GRIK1: variants seen among roughly 807,000 people sequenced by gnomAD.
GRIK1 encodes the protein glutamate receptor ionotropic, kainate 1.
In GRIK1, 69 loss-of-function variants were observed where a neutral mutation model predicts 105.7. The observed-to-expected ratio is 0.65, with a 90% CI of 0.54 to 0.80. The LOEUF (loss-of-function observed/expected upper bound fraction) is 0.80, where lower values mean the gene tolerates loss of function less well. GRIK1 is among the 30% of genes least tolerant of loss of function. GRIK1 has a pLI of 0.00. For synonymous variants in GRIK1, 438 were observed against 431.3 expected, an observed-to-expected ratio of 1.02 and a Z score of -0.19; for missense variants, 1,109 against 1,167.3, an observed-to-expected ratio of 0.95 and a Z score of 0.73.
intron 1 of GRIK1, among the ~76,000 whole-genome samples, chr21:29,804,456 A>G (rs551599446): frequency 1.1e-4 from 17 of 152,294 alleles, no homozygotes; most frequent in African/African-American, 4.1e-4. Context: ...TTAAAAAAAA[A>G]AATGAAGACA....
chr21:29,582,224 T>C, intron 12 of GRIK1: 1 of 411,942 alleles, frequency 2.4e-6, no homozygotes, highest in Non-Finnish European at 4.9e-6. Flanking sequence ...GGCCTAGTGG[T>C]ACACATTAGT....
intron 1 of GRIK1, among the ~76,000 whole-genome samples, chr21:29,894,904 T>A (rs1030746561): frequency 6.6e-6 from 1 of 152,182 alleles, no homozygotes; most frequent in Non-Finnish European, 1.5e-5. Context: ...TTGAAGGCAG[T>A]CATCTGGCTT....
chr21:29,864,879 G>C (rs1018657368), intron 1 of GRIK1, among the ~76,000 whole-genome samples: 1 of 152,188 alleles, frequency 6.6e-6, no homozygotes, highest in Non-Finnish European at 1.5e-5. Context: ...AAATCTGGTA[G>C]TGTCTAAAGC....
At chr21:29,771,242 T>C (rs1464030272) in intron 1 of GRIK1, among the ~76,000 whole-genome samples, 4 of 152,212 alleles carry the variant, frequency 2.6e-5, no homozygotes, top group Admixed American at 2.0e-4. Flanking sequence ...ACTCATACTA[T>C]GGCTGCCCTA....
intron 1 of GRIK1, among the ~76,000 whole-genome samples, chr21:29,705,776 G>A (rs564623543): frequency 1.3e-5 from 2 of 151,822 alleles, no homozygotes; most frequent in African/African-American, 2.4e-5. Context: ...TTAATCAATC[G>A]TATCTCACAG....
intron 7 of GRIK1, among the ~76,000 whole-genome samples, chr21:29,619,446 A>G (rs1043968465): frequency 6.6e-6 from 1 of 152,096 alleles, no homozygotes; most frequent in African/African-American, 2.4e-5. Flanking sequence ...AAAGAAAAAA[A>G]AATAATGATT....
chr21:29,746,641 G>A lies in GRIK1; in HGVS notation c.119-52578C>T, dbSNP rs529924405. The stretch of plus-strand genomic sequence containing the variant: ...GATTGTAATTGTAAAGTGACTATGA[G>A]AAAAAGTTCAAGTGAAAGGACTTGG... On this transcript the variant is annotated intron_variant, in intron 1 of 17. Transcript: ENST00000327783. Among the ~76,000 whole-genome samples, 3 of 152,338 alleles carry A rather than the reference G, an allele frequency of 2.0e-5. No homozygotes were observed. In the East Asian group the frequency reaches 5.8e-4, roughly 29 times the overall value.
chr21:29,799,778 C>T (rs565600046), intron 1 of GRIK1, among the ~76,000 whole-genome samples: 1 of 152,298 alleles, frequency 6.6e-6, no homozygotes, highest in South Asian at 2.1e-4. Context: ...GATCCACCTG[C>T]CTTAGCCTCC....
At chr21:29,555,720 G>GT (rs2090235652) in intron 15 of GRIK1, among the ~76,000 whole-genome samples, 2 of 152,290 alleles carry the variant, frequency 1.3e-5, no homozygotes, top group South Asian at 4.1e-4. Context: ...TAAGAACTTA[G>GT]TTTGCAGCCA....
chr21:29,891,481 A>C lies in GRIK1; in HGVS notation c.118+47902T>G, dbSNP rs541505559. 4.6e-5 allele frequency among the ~76,000 whole-genome samples: 7 copies of C among 152,332 alleles called. No homozygotes were observed. The South Asian group carries it at 1.2e-3, about 27-fold the overall frequency. On this transcript the variant is annotated intron_variant, in intron 1 of 17. Transcript: ENST00000327783. ...TGCATAATGCATTCTACATCTAGAA[A>C]ATGGTTATGTCTAAAAATTCCATTC...
At chr21:29,746,759 A>G (rs2065058856) in intron 1 of GRIK1, among the ~76,000 whole-genome samples, 1 of 152,238 alleles carries the variant, frequency 6.6e-6, no homozygotes, top group Admixed American at 6.5e-5. Context: ...AATATAAACC[A>G]GAGAATTGCC....
At chr21:29,894,669 C>T (rs924597337) in intron 1 of GRIK1, among the ~76,000 whole-genome samples, 1 of 152,120 alleles carries the variant, frequency 6.6e-6, no homozygotes, top group Non-Finnish European at 1.5e-5. Flanking sequence ...CAGTATCAAC[C>T]ATCACAGGCC....
At chr21:29,549,677 T>A (rs912157667) in intron 16 of GRIK1, among the ~76,000 whole-genome samples, 2 of 132,930 alleles carry the variant, frequency 1.5e-5, no homozygotes, top group South Asian at 2.1e-4. Flanking sequence ...GAAAAAAAAA[T>A]TGTTTTCCTT....
chr21:29,812,622 T>C (rs1569120616), intron 1 of GRIK1, among the ~76,000 whole-genome samples: 1 of 152,156 alleles, frequency 6.6e-6, no homozygotes, highest in African/African-American at 2.4e-5. Context: ...AACACTTTAA[T>C]TACCTTTGGA....
chr21:29,544,678 ACAGT>A (rs1273111101), intron 16 of GRIK1, among the ~76,000 whole-genome samples: 3 of 152,320 alleles, frequency 2.0e-5, no homozygotes, highest in East Asian at 3.9e-4. Flanking sequence ...ATTAATTACA[ACAGT>A]CAGGTGTTTG....
At chr21:29,811,359 T>C (rs1033953191) in intron 1 of GRIK1, among the ~76,000 whole-genome samples, 1 of 152,202 alleles carries the variant, frequency 6.6e-6, no homozygotes, top group Non-Finnish European at 1.5e-5. Context: ...TTGATATTTA[T>C]GCCATGTCTG....
intron 9 of GRIK1, chr21:29,596,003 A>G (rs1006942801): frequency 1.2e-5 from 3 of 248,710 alleles, no homozygotes. Flanking sequence ...GTATACTCTG[A>G]TGAAGATATC....
Position 29,587,392 on chromosome 21 carries a change from G to A in GRIK1, c.1767C>T (p.Val589=). 1 of 1,611,804 alleles carries A rather than the reference G, an allele frequency of 6.2e-7. No individual in the cohort carries two copies. The highest frequency in any genetic ancestry group is 8.5e-7 in the Non-Finnish European group (1 of 1,177,930). The change falls in exon 12 of 18, where the codon GTC becomes GTT. Residue 589 remains valine (V), a synonymous_variant. Coordinates refer to ENST00000327783, the MANE Select transcript of GRIK1 (RefSeq NM_001330994.2). ...WMYVLLACLG[V]SCVLFVIARF... is the part of the protein sequence containing the mutation. ...TTGCAATCACAAAGAGTACACAGCT[G>A]ACTCCCAAGCAGGCTAAGAGCACAT... is the stretch of plus-strand genomic sequence containing the variant.
intron 1 of GRIK1, among the ~76,000 whole-genome samples, chr21:29,816,913 T>A (rs903021057): frequency 6.6e-6 from 1 of 152,116 alleles, no homozygotes; most frequent in Non-Finnish European, 1.5e-5. Context: ...GTACTGTATA[T>A]TTCAAAATAG....
Sources: gnomAD v4.1 joint callset for allele counts (sites outside exome capture counted in the v4.1 genomes callset) on GRCh38, gnomAD v4.1.1 for gene constraint, MANE v1.5 for transcripts, NCBI Gene and HGNC (gene_info 2026-07-23, HGNC 2026-07-21) for gene names.